The following RALGAPA1 variants were observed in gnomAD, a reference collection of about 807,000 sequenced individuals.
RALGAPA1 encodes Ral GTPase activating protein catalytic subunit alpha 1.
In RALGAPA1, 52 loss-of-function variants were observed where a neutral mutation model predicts 269.6. The observed-to-expected ratio is 0.19, with a 90% CI of 0.15 to 0.24. The LOEUF (loss-of-function observed/expected upper bound fraction) is 0.24, where lower values mean the gene tolerates loss of function less well. Ranked by LOEUF, RALGAPA1 falls within the 10% of genes least tolerant of loss-of-function variation. The probability of loss-of-function intolerance (pLI) is 1.00; values close to 1 mark genes in which losing one functional copy is unlikely to be tolerated. For synonymous variants in RALGAPA1, 817 were observed against 1,008.3 expected, an observed-to-expected ratio of 0.81 and a Z score of 3.60; for missense variants, 1,917 against 3,013.9, an observed-to-expected ratio of 0.64 and a Z score of 8.52.
chr14:35,751,931 A>G (rs985813966), intron 8 of RALGAPA1, 93 bp downstream of exon 8: 1 of 1,481,912 alleles, frequency 6.7e-7, no homozygotes, highest in Non-Finnish European at 9.0e-7. Context: ...ATTAAATATG[A>G]TCAGTTTCCT....
At chr14:35,806,911 C>G (rs944767694) in intron 1 of RALGAPA1, among the ~76,000 whole-genome samples, 1 of 152,114 alleles carries the variant, frequency 6.6e-6, no homozygotes, top group Non-Finnish European at 1.5e-5. Context: ...AACAAAATAA[C>G]GACAACAATA....
intron 16 of RALGAPA1, among the ~76,000 whole-genome samples, chr14:35,703,854 C>T (rs541428835): frequency 6.6e-6 from 1 of 150,438 alleles, no homozygotes; most frequent in Admixed American, 6.6e-5. Flanking sequence ...CTTTTCCCCT[C>T]TCAAAAAAAA....
intron 35 of RALGAPA1, among the ~76,000 whole-genome samples, chr14:35,623,291 G>A (rs1389130783): frequency 1.3e-5 from 2 of 151,788 alleles, no homozygotes; most frequent in African/African-American, 4.8e-5. Context: ...AAGCTCCCAC[G>A]AATAGCACGA....
chr14:35,727,064 T>C (rs2070000505), intron 13 of RALGAPA1, among the ~76,000 whole-genome samples: 1 of 152,042 alleles, frequency 6.6e-6, no homozygotes, highest in African/African-American at 2.4e-5. Flanking sequence ...TTAATACTGT[T>C]AGTAAAGAAT....
intron 27 of RALGAPA1, among the ~76,000 whole-genome samples, chr14:35,663,333 CAA>C (rs1341568338): frequency 6.6e-6 from 1 of 151,262 alleles, no homozygotes; most frequent in East Asian, 1.9e-4. Context: ...ATAAACGTAA[CAA>C]AGAGATATAT....
chr14:35,734,500 C>A lies in RALGAPA1; in HGVS notation c.1587+4013G>T, dbSNP rs116119222. Among the ~76,000 whole-genome samples, 800 of 152,240 alleles carry A rather than the reference C, an allele frequency of 5.3e-3. 1 individual carries two copies. Among genetic ancestry groups the A allele is most frequent in the African/African-American group, 0.018 (732 of 41,548 alleles). On this transcript the variant is annotated intron_variant, in intron 12 of 41. Transcript: ENST00000680220. ...TGGTGCTGGGATGATAGGTTAGCCA[C>A]ATGTAGCAGAACAAAACTGGATCCT...
At chr14:35,615,203 T>C (rs1239969971) in intron 35 of RALGAPA1, among the ~76,000 whole-genome samples, 1 of 152,168 alleles carries the variant, frequency 6.6e-6, no homozygotes, top group Non-Finnish European at 1.5e-5. Flanking sequence ...ATTAGCTCAC[T>C]ACTGGAAAAC....
intron 41 of RALGAPA1, among the ~76,000 whole-genome samples, chr14:35,543,484 C>T (rs1217554814): frequency 2.0e-5 from 3 of 152,152 alleles, no homozygotes; most frequent in Non-Finnish European, 4.4e-5. Flanking sequence ...AATTTATCCT[C>T]TCTTATGTTG....
chr14:35,763,641 GA>G (rs775282888), intron 4 of RALGAPA1, among the ~76,000 whole-genome samples: 24 of 152,040 alleles, frequency 1.6e-4, no homozygotes, highest in Non-Finnish European at 3.4e-4. Context: ...TCCACCGTAT[GA>G]ACATACCAAA....
At chr14:35,729,825 A>G (rs2141026542) in intron 12 of RALGAPA1, among the ~76,000 whole-genome samples, 1 of 152,318 alleles carries the variant, frequency 6.6e-6, no homozygotes, top group Non-Finnish European at 1.5e-5. Context: ...ATCCTATTTT[A>G]AAATACAATG....
intron 39 of RALGAPA1, among the ~76,000 whole-genome samples, chr14:35,555,755 G>C (rs183067432): frequency 6.6e-6 from 1 of 152,294 alleles, no homozygotes; most frequent in East Asian, 1.9e-4. Context: ...GATTTGCTTG[G>C]ATAAACAAAG....
At chr14:35,728,024 A>G (rs1439657721) in intron 13 of RALGAPA1, among the ~76,000 whole-genome samples, 1 of 152,218 alleles carries the variant, frequency 6.6e-6, no homozygotes, top group African/African-American at 2.4e-5. Flanking sequence ...TATTCAGTCA[A>G]TCATCAACTT....
chr14:35,628,406 C>T (rs1165001583), intron 33 of RALGAPA1, among the ~76,000 whole-genome samples: 1 of 152,010 alleles, frequency 6.6e-6, no homozygotes, highest in African/African-American at 2.4e-5. Context: ...CTAAAATTAG[C>T]CCAGTGTGGT....
At chr14:35,673,155 A>G in intron 24 of RALGAPA1, 133 bp from the exon 25 acceptor site, 1 of 990,606 alleles carries the variant, frequency 1.0e-6, no homozygotes, top group African/African-American at 1.7e-5. Context: ...TAATGAACTA[A>G]AATTCAGGAT....
chr14:35,770,570 T>C (rs980045447), intron 4 of RALGAPA1, among the ~76,000 whole-genome samples: 3 of 152,132 alleles, frequency 2.0e-5, no homozygotes, highest in African/African-American at 7.2e-5. Context: ...GTAAATAAAC[T>C]AGAAACAACA....
At chr14:35,570,194 C>G (rs912642747) in intron 39 of RALGAPA1, among the ~76,000 whole-genome samples, 1 of 151,686 alleles carries the variant, frequency 6.6e-6, no homozygotes, top group African/African-American at 2.4e-5. Flanking sequence ...TGCTTGAACC[C>G]CAGAGTCGGA....
intron 6 of RALGAPA1, among the ~76,000 whole-genome samples, chr14:35,758,514 G>C (rs1241889710): frequency 6.6e-6 from 1 of 151,766 alleles, no homozygotes; most frequent in Non-Finnish European, 1.5e-5. Context: ...AAAAGAGAAG[G>C]GGCAGAAGTC....
At chr14:35,628,061 C>CA in intron 33 of RALGAPA1, 110 bp from the exon 34 acceptor site, 1 of 1,225,638 alleles carries the variant, frequency 8.2e-7, no homozygotes, top group Middle Eastern at 2.7e-4. Context: ...TTAATATTTC[C>CA]AGTTTAGATT....
chr14:35,566,272 T>A (rs1316741268), intron 39 of RALGAPA1, among the ~76,000 whole-genome samples: 6 of 152,184 alleles, frequency 3.9e-5, no homozygotes, highest in African/African-American at 1.4e-4. Context: ...TTACTGTAAT[T>A]CTGGCTGCTG....
Sources: allele counts gnomAD v4.1 joint callset (sites outside exome capture counted in the v4.1 genomes callset), GRCh38; gene constraint gnomAD v4.1.1; transcripts MANE v1.5; gene names NCBI Gene and HGNC (gene_info 2026-07-23, HGNC 2026-07-21).